The following CCDC138 variants were observed in gnomAD, a reference collection of about 807,000 sequenced individuals.
The protein encoded by CCDC138 is coiled-coil domain containing 138.
A neutral mutation model predicts 82.3 loss-of-function variants in CCDC138; 66 were observed. The observed-to-expected ratio is 0.80, with a 90% CI of 0.66 to 0.98. The LOEUF (loss-of-function observed/expected upper bound fraction) is 0.98, where lower values mean the gene tolerates loss of function less well. Ranked by LOEUF, CCDC138 falls within the 50% of genes least tolerant of loss-of-function variation. The pLI is 0.00. For synonymous variants in CCDC138, 297 were observed against 265.4 expected (o/e 1.12, Z -1.16); for missense variants, 816 against 758.9 (o/e 1.08, Z -0.88).
chr2:108,800,948 G>A (rs1681852886), intron 6 of CCDC138, among the ~76,000 whole-genome samples: 3 of 108,846 alleles, frequency 2.8e-5, no homozygotes, highest in South Asian at 3.4e-4. Context: ...CCCTACAAAG[G>A]ACATAAACTC....
intron 5 of CCDC138, among the ~76,000 whole-genome samples, chr2:108,795,533 T>C (rs996758883): frequency 2.6e-5 from 4 of 152,254 alleles, no homozygotes; most frequent in African/African-American, 9.6e-5. Context: ...GCGCAGTATC[T>C]GTTTGAAATT....
chr2:108,873,207 T>C (rs1032460712), intron 13 of CCDC138, among the ~76,000 whole-genome samples: 2 of 152,234 alleles, frequency 1.3e-5, no homozygotes, highest in African/African-American at 4.8e-5. Flanking sequence ...GGATTTCTTC[T>C]AGATTTTGCC....
intron 4 of CCDC138, 184 bp from the exon 5 acceptor site, chr2:108,794,356 A>G (rs1680486175): frequency 6.2e-6 from 1 of 160,106 alleles, no homozygotes; most frequent in African/African-American, 2.6e-5. Context: ...CAATTGCTGT[A>G]TACCCTTCAC....
chr2:108,803,220 C>T (rs1340826279), intron 6 of CCDC138, among the ~76,000 whole-genome samples: 1 of 152,216 alleles, frequency 6.6e-6, no homozygotes, highest in Non-Finnish European at 1.5e-5. Context: ...TGCTTTTGGT[C>T]TGTCCTGTGC....
At chr2:108,873,691 TGAA>T (rs1695615229) in intron 14 of CCDC138, 102 bp downstream of exon 14, 10 of 679,216 alleles carry the variant, frequency 1.5e-5, no homozygotes, top group Non-Finnish European at 1.7e-5. Flanking sequence ...CCACACTGGA[TGAA>T]GAAGAATTGC....
At chr2:108,822,314 A>G (rs1050165772) in intron 10 of CCDC138, among the ~76,000 whole-genome samples, 2 of 152,214 alleles carry the variant, frequency 1.3e-5, no homozygotes, top group African/African-American at 4.8e-5. Flanking sequence ...TATAAAGCAA[A>G]CATTGACAGA....
At chr2:108,788,249 T>G (rs1679255953) in intron 2 of CCDC138, among the ~76,000 whole-genome samples, 160 bp downstream of exon 2, 1 of 150,800 alleles carries the variant, frequency 6.6e-6, no homozygotes, top group East Asian at 2.0e-4. Flanking sequence ...TGAAATCCCG[T>G]CTCTACTAAA....
intron 4 of CCDC138, among the ~76,000 whole-genome samples, chr2:108,793,332 CA>C (rs1193586530): frequency 2.2e-4 from 33 of 151,698 alleles, no homozygotes; most frequent in Non-Finnish European, 4.4e-5. Context: ...GACTCCGTCT[CA>C]AAAAACAAAA....
At chr2:108,796,174 G>A (rs537856667) in intron 5 of CCDC138, among the ~76,000 whole-genome samples, 7 of 151,778 alleles carry the variant, frequency 4.6e-5, no homozygotes, top group Admixed American at 6.6e-5. Context: ...TCAGCCTCCC[G>A]AGTAGCTGGG....
intron 12 of CCDC138, among the ~76,000 whole-genome samples, chr2:108,847,978 C>T (rs1032919059): frequency 2.0e-5 from 3 of 152,060 alleles, no homozygotes; most frequent in African/African-American, 7.2e-5. Context: ...ACAGACCTAT[C>T]TCCAAATCTT....
At chr2:108,793,193 TAA>T (rs370487338) in intron 4 of CCDC138, among the ~76,000 whole-genome samples, 4 of 146,144 alleles carry the variant, frequency 2.7e-5, no homozygotes, top group African/African-American at 7.5e-5. Flanking sequence ...CTGTCTCTAC[TAA>T]AAAAAAAAAT....
At chr2:108,880,910 C>T (rs564930709), downstream of CCDC138, among the ~76,000 whole-genome samples, 4 of 152,176 alleles carry the variant, frequency 2.6e-5, no homozygotes, top group Non-Finnish European at 5.9e-5. Flanking sequence ...ACTTTCAAGT[C>T]GATTTGCTTC....
At chr2:108,872,313 G>A (rs548461356) in intron 13 of CCDC138, among the ~76,000 whole-genome samples, 1 of 152,004 alleles carries the variant, frequency 6.6e-6, no homozygotes, top group Admixed American at 6.5e-5. Flanking sequence ...TTCCATCCCA[G>A]TACCCCAAAA....
At chr2:108,803,156 A>G (rs568504851) in intron 6 of CCDC138, among the ~76,000 whole-genome samples, 23 of 152,328 alleles carry the variant, frequency 1.5e-4, no homozygotes, top group Admixed American at 5.2e-4. Flanking sequence ...AGTGTTAGCC[A>G]AGACTTAGGT....
At chr2:108,877,022 T>A (rs1203453120), downstream of CCDC138, among the ~76,000 whole-genome samples, 2 of 152,190 alleles carry the variant, frequency 1.3e-5, no homozygotes, top group Non-Finnish European at 2.9e-5. Context: ...ATGATCAGTG[T>A]ATAATCTCAG....
chr2:108,846,832 C>T lies in CCDC138; in HGVS notation c.1418C>T (p.Ser473Phe), dbSNP rs1690576670. 2 of 1,613,134 alleles carry T rather than the reference C, an allele frequency of 1.2e-6. No homozygotes were observed. Among genetic ancestry groups the T allele is most frequent in the Non-Finnish European group, 8.5e-7 (1 of 1,179,410 alleles). ...ATTCAGGATAATTCTCCACAGCATT[C>T]TGTGGAGAATAAACCAAAGACAGCT... The part of the protein sequence containing the change: ...KGIQDNSPQH[S>F]VENKPKTAAF... The change falls in exon 12 of 15, where the codon TCT (serine) becomes TTT (phenylalanine). Residue 473 changes from serine (S) to phenylalanine (F), a missense_variant. Ser to Phe is a radical substitution (Grantham distance 155). Coordinates refer to ENST00000295124, the MANE Select transcript of CCDC138 (RefSeq NM_144978.3).
At chr2:108,848,656 G>T (rs953437407) in intron 12 of CCDC138, among the ~76,000 whole-genome samples, 3 of 152,300 alleles carry the variant, frequency 2.0e-5, no homozygotes, top group Non-Finnish European at 4.4e-5. Context: ...GGAAATTTAT[G>T]TGGAAAAATT....
chr2:108,861,547 C>A (rs1272632763), intron 13 of CCDC138, among the ~76,000 whole-genome samples: 1 of 140,166 alleles, frequency 7.1e-6, no homozygotes, highest in African/African-American at 2.9e-5. Context: ...GTGGCATGAT[C>A]TTGGCTCACT....
At chr2:108,853,080 A>G (rs1233618378) in intron 12 of CCDC138, among the ~76,000 whole-genome samples, 1 of 152,230 alleles carries the variant, frequency 6.6e-6, no homozygotes, top group African/African-American at 2.4e-5. Context: ...TGCAAAAGTA[A>G]AAATGTTCCA....
Sources: gnomAD v4.1 joint callset for allele counts (sites outside exome capture counted in the v4.1 genomes callset) on GRCh38, gnomAD v4.1.1 for gene constraint, MANE v1.5 for transcripts, NCBI Gene and HGNC (gene_info 2026-07-23, HGNC 2026-07-21) for gene names.